Variants in LRMDA observed in about 807,000 individuals in gnomAD.
LRMDA encodes leucine rich melanocyte differentiation associated, also known as leucine-rich melanocyte differentiation-associated protein.
A neutral mutation model predicts 29.8 loss-of-function variants in LRMDA; 18 were observed. The observed-to-expected ratio is 0.60, with a 90% CI of 0.42 to 0.90. LRMDA has a LOEUF of 0.90. Among genes scored for constraint, LRMDA ranks in the 40% least tolerant of loss-of-function variants. LRMDA has a pLI of 0.00. For synonymous variants in LRMDA, 125 were observed against 109.4 expected (o/e 1.14, Z -0.89); for missense variants, 273 against 273.9 (o/e 1.00, Z 0.02).
At chr10:76,307,781 A>T (rs922859034) in intron 5 of LRMDA, among the ~76,000 whole-genome samples, 2 of 152,336 alleles carry the variant, frequency 1.3e-5, no homozygotes, top group African/African-American at 4.8e-5. Flanking sequence ...CACCACGTGG[A>T]GAAACCAAGA....
At chr10:75,504,875 T>A (rs1185906498) in intron 2 of LRMDA, among the ~76,000 whole-genome samples, 1 of 152,062 alleles carries the variant, frequency 6.6e-6, no homozygotes, top group Non-Finnish European at 1.5e-5. Flanking sequence ...TTTATCAGAT[T>A]TGTGTCTAGA....
At chr10:76,555,305 G>GAAC (rs1843542549) in intron 6 of LRMDA, among the ~76,000 whole-genome samples, 6 of 149,106 alleles carry the variant, frequency 4.0e-5, no homozygotes, top group African/African-American at 1.3e-4. Flanking sequence ...TCCCAAGAAG[G>GAAC]GTCTCAGTGA....
intron 2 of LRMDA, among the ~76,000 whole-genome samples, chr10:75,498,876 C>A (rs544250005): frequency 6.6e-6 from 1 of 152,050 alleles, no homozygotes; most frequent in Admixed American, 6.6e-5. Flanking sequence ...GAATCCTCTC[C>A]GTCTCAGAAG....
At chr10:76,222,262 G>A (rs1452319962) in intron 5 of LRMDA, among the ~76,000 whole-genome samples, 1 of 152,166 alleles carries the variant, frequency 6.6e-6, no homozygotes, top group Non-Finnish European at 1.5e-5. Flanking sequence ...AGCCACAATT[G>A]ACAAATGGGA....
At chr10:76,019,202 AG>A (rs1847929930) in intron 2 of LRMDA, among the ~76,000 whole-genome samples, 1 of 152,142 alleles carries the variant, frequency 6.6e-6, no homozygotes, top group South Asian at 2.1e-4. Context: ...CACTCAGTAG[AG>A]TGTGTGCTCT....
At chr10:76,327,192 A>G (rs1840846003) in intron 6 of LRMDA, among the ~76,000 whole-genome samples, 2 of 151,466 alleles carry the variant, frequency 1.3e-5, no homozygotes, top group South Asian at 2.1e-4. Context: ...CCTGGGTTCA[A>G]GCGATTCTCC....
chr10:76,254,311 A>ATACCG (rs1852542720), intron 5 of LRMDA, among the ~76,000 whole-genome samples: 3 of 147,782 alleles, frequency 2.0e-5, no homozygotes, highest in African/African-American at 7.7e-5. Context: ...ATACCATACC[A>ATACCG]TACCATACCA....
At chr10:76,242,492 G>T (rs1034363666) in intron 5 of LRMDA, among the ~76,000 whole-genome samples, 1 of 152,136 alleles carries the variant, frequency 6.6e-6, no homozygotes, top group African/African-American at 2.4e-5. Flanking sequence ...GTGGTAGCTG[G>T]CAATCCCTGG....
chr10:76,278,540 G>T (rs1840164309), intron 5 of LRMDA, among the ~76,000 whole-genome samples: 1 of 152,096 alleles, frequency 6.6e-6, no homozygotes, highest in Non-Finnish European at 1.5e-5. Flanking sequence ...TGACACTCTG[G>T]CAGCAGTGAC....
At chr10:76,030,296 G>A (rs1425789842) in intron 2 of LRMDA, among the ~76,000 whole-genome samples, 1 of 151,758 alleles carries the variant, frequency 6.6e-6, no homozygotes, top group East Asian at 1.9e-4. Flanking sequence ...GACTTGAATG[G>A]CAGAAAAATA....
chr10:75,843,927 G>A (rs371532792), intron 2 of LRMDA, among the ~76,000 whole-genome samples: 4 of 152,110 alleles, frequency 2.6e-5, no homozygotes, highest in Non-Finnish European at 5.9e-5. Flanking sequence ...AAGGGGAGGT[G>A]GTGCCAGAGG....
At chr10:75,831,519 G>T (rs1281064186) in intron 2 of LRMDA, among the ~76,000 whole-genome samples, 1 of 152,188 alleles carries the variant, frequency 6.6e-6, no homozygotes. Flanking sequence ...TCGAGTGTCT[G>T]CAGCTTTTCC....
At position 76,182,708 on chromosome 10, in the gene LRMDA, A is replaced by G. The variant is rs112753648; in HGVS notation, c.516+123925A>G. ...CACAAGAAAAGGGACAAATCTCTCT[A>G]AGAGAGCCATCTGGGGTCTTGTATT... is the stretch of plus-strand genomic sequence containing the variant. On this transcript the variant is annotated intron_variant, in intron 5 of 6. Coordinates refer to ENST00000611255, the MANE Select transcript of LRMDA (RefSeq NM_001305581.2). 7.2e-4 allele frequency among the ~76,000 whole-genome samples: 110 copies of G among 152,308 alleles called. 1 individual carries two copies. Among genetic ancestry groups the G allele is most frequent in the African/African-American group, 2.6e-3 (106 of 41,564 alleles).
chr10:75,938,181 C>T (rs1846328077), intron 2 of LRMDA, among the ~76,000 whole-genome samples: 1 of 152,080 alleles, frequency 6.6e-6, no homozygotes, highest in Non-Finnish European at 1.5e-5. Context: ...TCTGATTTAG[C>T]CAAGGGTTCA....
intron 2 of LRMDA, among the ~76,000 whole-genome samples, chr10:75,829,847 T>TG (rs900367502): frequency 7.5e-5 from 11 of 146,618 alleles, no homozygotes; most frequent in Non-Finnish European, 1.2e-4. Flanking sequence ...GCCACTTTTT[T>TG]TTTTTTTTTT....
At chr10:76,357,303 A>G (rs1841253622) in intron 6 of LRMDA, among the ~76,000 whole-genome samples, 1 of 152,100 alleles carries the variant, frequency 6.6e-6, no homozygotes, top group African/African-American at 2.4e-5. Flanking sequence ...GCCATTTGGA[A>G]CTCGATCCAG....
At chr10:75,959,418 C>T (rs1029451651) in intron 2 of LRMDA, among the ~76,000 whole-genome samples, 1 of 152,170 alleles carries the variant, frequency 6.6e-6, no homozygotes, top group African/African-American at 2.4e-5. Flanking sequence ...CCATCAGTCC[C>T]TACTGTGGTG....
intron 6 of LRMDA, among the ~76,000 whole-genome samples, chr10:76,514,682 C>T (rs961009495): frequency 1.3e-5 from 2 of 152,068 alleles, no homozygotes; most frequent in Non-Finnish European, 2.9e-5. Flanking sequence ...GCTTTCTTAC[C>T]AGCCTGCCCA....
At chr10:76,119,276 A>G (rs986097252) in intron 5 of LRMDA, among the ~76,000 whole-genome samples, 5 of 152,086 alleles carry the variant, frequency 3.3e-5, no homozygotes, top group South Asian at 2.1e-4. Flanking sequence ...ACAAGCTTCA[A>G]TGGAGCCAAG....
Sources: allele counts gnomAD v4.1 joint callset (sites outside exome capture counted in the v4.1 genomes callset), GRCh38; gene constraint gnomAD v4.1.1; transcripts MANE v1.5; gene names NCBI Gene and HGNC (gene_info 2026-07-23, HGNC 2026-07-21).